The following FKBP11 variants were observed in gnomAD, a reference collection of about 807,000 sequenced individuals.
FKBP11 encodes the protein peptidyl-prolyl cis-trans isomerase FKBP11.
FKBP11 carries 21 observed loss-of-function variants against 24.7 expected under a neutral mutation model. That is an observed-to-expected ratio of 0.85 (90% CI 0.60 to 1.23). The LOEUF (loss-of-function observed/expected upper bound fraction) is 1.23, where lower values mean the gene tolerates loss of function less well. Ranked by LOEUF, FKBP11 falls within the 50% of genes most tolerant of loss-of-function variation. FKBP11 has a pLI of 0.00. For synonymous variants in FKBP11, 106 were observed against 100.6 expected (o/e 1.05, Z -0.32); for missense variants, 245 against 248.7 (o/e 0.99, Z 0.10).
intron 5 of FKBP11, chr12:48,923,040 C>A (rs534899911): frequency 1.0e-4 from 79 of 759,594 alleles, no homozygotes; most frequent in Admixed American, 2.2e-4. Context: ...CCCAGCTACT[C>A]GGGAGGCTGA....
upstream of FKBP11, among the ~76,000 whole-genome samples, chr12:48,931,128 TAAAAAAAA>T (rs35482677): frequency 7.5e-4 from 27 of 36,208 alleles, 2 homozygotes; most frequent in Admixed American, 9.8e-4. Flanking sequence ...GACTCCAGCT[TAAAAAAAA>T]AAAAAAAAAA....
the FKBP11 span, chr12:48,938,165 G>C: frequency 2.9e-6 from 1 of 345,782 alleles, no homozygotes; most frequent in Admixed American, 3.8e-5. Flanking sequence ...CAGTCATCTA[G>C]AGATAAATGC....
intron 5 of FKBP11, 105 bp from the exon 6 acceptor site, chr12:48,922,306 A>G (rs1398798313): frequency 5.8e-6 from 6 of 1,037,240 alleles, no homozygotes; most frequent in Non-Finnish European, 8.3e-6. Flanking sequence ...GCCAACAACT[A>G]TGAAGCTGAC....
At chr12:48,931,311 G>A, upstream of FKBP11, 1 of 966,038 alleles carries the variant, frequency 1.0e-6, no homozygotes, top group Non-Finnish European at 1.6e-6. Context: ...ATCCAGGTCT[G>A]AGGCTCTGTT....
the FKBP11 span, chr12:48,938,228 G>A: frequency 4.1e-5 from 15 of 363,644 alleles, no homozygotes; most frequent in Non-Finnish European, 7.2e-5. Context: ...AAATGGTGGT[G>A]AAGAATCCAT....
the FKBP11 span, among the ~76,000 whole-genome samples, chr12:48,933,538 C>T: frequency 2.0e-5 from 3 of 152,110 alleles, no homozygotes; most frequent in African/African-American, 4.8e-5. Context: ...CCCATCTCTA[C>T]TAAAAATAGA....
At chr12:48,931,336 GGAA>G (rs1374729337), upstream of FKBP11, 1 of 1,267,710 alleles carries the variant, frequency 7.9e-7, no homozygotes, top group Non-Finnish European at 1.1e-6. Flanking sequence ...AACCTGAAGG[GGAA>G]GAGGAGTGGA....
chr12:48,934,259 G>A, the FKBP11 span, among the ~76,000 whole-genome samples: 18 of 152,242 alleles, frequency 1.2e-4, no homozygotes, highest in Middle Eastern at 3.4e-3. Flanking sequence ...TGAAGGGGAG[G>A]GTTTTGCCCT....
the FKBP11 span, chr12:48,938,465 C>T: frequency 4.5e-6 from 2 of 443,766 alleles, no homozygotes; most frequent in Non-Finnish European, 9.0e-6. Context: ...TCTCTCTATA[C>T]ATGTATATAC....
Position 48,925,366 on chromosome 12 carries a change from C to T in FKBP11, c.63G>A (p.Ala21=), listed in dbSNP as rs1236930907. 6.2e-7 allele frequency: 1 copy of T among 1,605,376 alleles called. No individual in the cohort carries two copies. Among genetic ancestry groups the T allele is most frequent in the African/African-American group, 1.3e-5 (1 of 75,008 alleles). The stretch of plus-strand genomic sequence containing the variant: ...CGAGCCCAGCCTCAGCCCGGCACAC[C>T]GCCGCACTGAGCAGCAGCAGCAGCA... ...HLLLLLLLSA[A]VCRAEAGLET... Residue 21 remains alanine, a synonymous_variant, in exon 1 of 6, where the codon GCG becomes GCA. Coordinates refer to ENST00000550765, the MANE Select transcript of FKBP11 (RefSeq NM_016594.3).
chr12:48,924,818 G>C, intron 2 of FKBP11, 170 bp from the exon 3 acceptor site: 1 of 1,451,402 alleles, frequency 6.9e-7, no homozygotes, highest in Non-Finnish European at 9.0e-7. Flanking sequence ...GCTTCTCGGA[G>C]ATCTCTCCAC....
At position 48,924,631 on chromosome 12, in the gene FKBP11, T is replaced by A; in HGVS notation, c.213A>T (p.Gly71=). 1 of 1,613,924 alleles carries A rather than the reference T, an allele frequency of 6.2e-7. No individual in the cohort carries two copies. Among genetic ancestry groups the A allele is most frequent in the East Asian group, 2.2e-5 (1 of 44,866 alleles). Residue 71 remains glycine (G), a synonymous_variant, in exon 3 of 6, where the codon GGA becomes GGT. Coordinates refer to ENST00000550765, the MANE Select transcript of FKBP11 (RefSeq NM_016594.3). ...TGGTCAGGGAGGTGTCAATAATACG[T>A]CCATCTACCAAGCTTCCCTGGGGGG... ...HIHYTGSLVD[G]RIIDTSLTRD... is the part of the protein sequence containing the mutation.
upstream of FKBP11, among the ~76,000 whole-genome samples, chr12:48,928,014 T>C (rs1282827778): frequency 1.3e-5 from 2 of 148,398 alleles, no homozygotes; most frequent in Non-Finnish European, 3.0e-5. Context: ...ACAATTGAGA[T>C]GCCTATCTTC....
At chr12:48,932,249 A>T in the FKBP11 span, among the ~76,000 whole-genome samples, 1 of 36,918 alleles carries the variant, frequency 2.7e-5, no homozygotes, top group East Asian at 5.1e-4. Flanking sequence ...ATATATATAT[A>T]TATATATATA....
chr12:48,922,302 A>T, intron 5 of FKBP11, 101 bp from the exon 6 acceptor site: 1 of 1,080,990 alleles, frequency 9.3e-7, no homozygotes, highest in Non-Finnish European at 1.3e-6. Context: ...CAAAGCCAAC[A>T]ACTATGAAGC....
At chr12:48,924,934 GC>G (rs1939925143) in intron 2 of FKBP11, 111 bp downstream of exon 2, 2 of 1,448,414 alleles carry the variant, frequency 1.4e-6, no homozygotes, top group Admixed American at 2.6e-5. Flanking sequence ...CGACCCCAGA[GC>G]CCCGAGTTTC....
chr12:48,925,183 C>G (rs1293290610), intron 1 of FKBP11, 72 bp from the exon 2 acceptor site: 2 of 1,592,292 alleles, frequency 1.3e-6, no homozygotes, highest in East Asian at 2.2e-5. Flanking sequence ...CCGGCACCAC[C>G]CCCAACTCAG....
chr12:48,927,157 C>T (rs1437967771), upstream of FKBP11, among the ~76,000 whole-genome samples: 3 of 152,302 alleles, frequency 2.0e-5, no homozygotes, highest in African/African-American at 4.8e-5. Flanking sequence ...ACAACCTAGA[C>T]TTCCTCCCTA....
chr12:48,932,278 T>A, the FKBP11 span, among the ~76,000 whole-genome samples: 41 of 78,094 alleles, frequency 5.3e-4, no homozygotes, highest in African/African-American at 1.8e-3. Context: ...TTTTTTTTTT[T>A]TTTTTTTTTT....
Sources: allele counts gnomAD v4.1 joint callset (sites outside exome capture counted in the v4.1 genomes callset), GRCh38; gene constraint gnomAD v4.1.1; transcripts MANE v1.5; gene names NCBI Gene and HGNC (gene_info 2026-07-23, HGNC 2026-07-21).